SBF1: variants seen among roughly 807,000 people sequenced by gnomAD.
SBF1 encodes the protein SET binding factor 1, also known as myotubularin-related protein 5.
SBF1 carries 65 observed loss-of-function variants against 215.8 expected under a neutral mutation model. The observed-to-expected ratio is 0.30, with a 90% CI of 0.25 to 0.37. The LOEUF is 0.37. SBF1 is among the 10% of genes least tolerant of loss of function. SBF1 has a pLI of 1.00. For missense variants in SBF1, 2,634 were observed against 2,667.8 expected (o/e 0.99, Z 0.28); for synonymous variants, 1,410 against 1,122.8 (o/e 1.26, Z -5.11).
At chr22:50,471,876 G>A (rs1197166835) in intron 1 of SBF1, among the ~76,000 whole-genome samples, 1 of 152,214 alleles carries the variant, frequency 6.6e-6, no homozygotes, top group Non-Finnish European at 1.5e-5. Flanking sequence ...TCACAGTCAG[G>A]AGGAGAGGCG....
chr22:50,458,646 G>A (rs2067363870), intron 28 of SBF1, among the ~76,000 whole-genome samples: 1 of 152,242 alleles, frequency 6.6e-6, no homozygotes, highest in South Asian at 2.1e-4. Flanking sequence ...GAGTGAGTGT[G>A]GGGCCTATCT....
At position 50,447,198 on chromosome 22, in the gene SBF1, C is replaced by G. The variant is rs557791373; in HGVS notation, c.5626G>C (p.Val1876Leu). ...TCCACCCACTGCTGGGCCGAGGGCA[C>G]GTCCTGGGCACAGAAGTTGTAAACG... is the stretch of plus-strand genomic sequence containing the variant. ...RRVYNFCAQD[V>L]PSAQQWVDRI... The change falls in exon 41 of 41, where the codon GTG (valine) becomes CTG (leucine). Residue 1876 changes from valine (V) to leucine (L), a missense_variant. Val to Leu is a conservative substitution (Grantham distance 32). Transcript: ENST00000380817. 6.2e-7 allele frequency: 1 copy of G among 1,613,748 alleles called. No individual in the cohort carries two copies. Among genetic ancestry groups the G allele is most frequent in the Non-Finnish European group, 8.5e-7 (1 of 1,179,974 alleles).
Position 50,466,485 on chromosome 22 carries a change from A to G in SBF1, c.656-3T>C. On this transcript the variant is annotated splice_polypyrimidine_tract_variant and splice_region_variant and intron_variant, in intron 6 of 40. Coordinates refer to ENST00000380817, the MANE Select transcript of SBF1 (RefSeq NM_002972.4). ...CAAAGACAGCACGTTGGTGATGCCT[A>G]AAGGAAGAAGAGAAGCTTGGAGAGG... 1 of 1,542,600 alleles carries G rather than the reference A, an allele frequency of 6.5e-7. No individual in the cohort carries two copies.
At position 50,459,479 on chromosome 22, in the gene SBF1, G is replaced by A; in HGVS notation, c.3679C>T (p.Pro1227Ser). 3.1e-6 allele frequency: 5 copies of A among 1,610,560 alleles called. No individual in the cohort carries two copies. In the Middle Eastern group the frequency reaches 5.1e-4, roughly 164 times the overall value. The part of the protein sequence containing the change: ...VVGLFKAQNA[P>S]SPGQSQADSS... Reference sequence around the variant, plus strand: ...AGGACGCAGGAGGTACCTGGAGAAGGTGCGTTCTGGGCCTTGAAGAGGCCG... The same window carrying A: ...AGGACGCAGGAGGTACCTGGAGAAGATGCGTTCTGGGCCTTGAAGAGGCCG... The change falls in exon 27 of 41, where the codon CCT becomes TCT. Residue 1227 changes from proline (P) to serine (S), a missense_variant. Pro to Ser is a moderately conservative substitution (Grantham distance 74). Transcript: ENST00000380817.
intron 5 of SBF1, 70 bp from the exon 6 acceptor site, chr22:50,466,780 T>A: frequency 8.9e-7 from 1 of 1,126,826 alleles, no homozygotes; most frequent in South Asian, 1.6e-5. Context: ...CAGAGCTCTG[T>A]GTCCCCAGGC....
chr22:50,458,402 A>G (rs1000241515), intron 28 of SBF1, among the ~76,000 whole-genome samples: 15 of 150,084 alleles, frequency 1.0e-4, no homozygotes, highest in African/African-American at 3.7e-4. Flanking sequence ...ACTGAGGGGG[A>G]CACGGGGAGG....
At chr22:50,466,303 G>T in intron 7 of SBF1, 45 bp from the exon 8 acceptor site, 1 of 1,610,136 alleles carries the variant, frequency 6.2e-7, no homozygotes, top group South Asian at 1.1e-5. Flanking sequence ...GACGCGGCTG[G>T]GCAAAGGGGC....
chr22:50,468,129 C>T (rs965924769), intron 2 of SBF1, among the ~76,000 whole-genome samples: 7 of 152,184 alleles, frequency 4.6e-5, no homozygotes, highest in Non-Finnish European at 8.8e-5. Flanking sequence ...CCACCTGGGG[C>T]AAGGACCAGG....
In SBF1 at chr22:50,447,026, G is replaced by C. The variant is rs1164804440; in HGVS notation, c.*116C>G. The C allele has an allele frequency of 2.2e-6, 2 of 905,390 alleles. No homozygotes were observed. Among genetic ancestry groups the C allele is most frequent in the Admixed American group, 2.1e-5 (1 of 47,040 alleles). 56.1% of individuals were successfully genotyped at this position (905,390 alleles called of 1,614,324 possible). A position where few individuals can be genotyped will look rare whatever the true frequency, so the allele number is the denominator to read the frequency against. Reference sequence around the variant, plus strand: ...GGGGCTGTACACACAAGTGCTGGGGGCTCGGGGCCTCAATACTGTCGAGGG... The same window carrying C: ...GGGGCTGTACACACAAGTGCTGGGGCCTCGGGGCCTCAATACTGTCGAGGG... On this transcript the variant is annotated 3_prime_UTR_variant, in exon 41 of 41. Coordinates refer to ENST00000380817, the MANE Select transcript of SBF1 (RefSeq NM_002972.4).
chr22:50,451,132 C>G (rs1178768527), intron 36 of SBF1, among the ~76,000 whole-genome samples: 1 of 134,420 alleles, frequency 7.4e-6, no homozygotes, highest in Non-Finnish European at 1.5e-5. Context: ...GAGTTTGAGA[C>G]CTGCCTGGGT....
intron 1 of SBF1, among the ~76,000 whole-genome samples, chr22:50,472,974 G>T (rs899393425): frequency 3.9e-5 from 6 of 152,128 alleles, no homozygotes; most frequent in African/African-American, 9.7e-5. Flanking sequence ...CTTAGGGGAA[G>T]GGGGGGCACC....
chr22:50,472,779 G>A (rs1440006528), intron 1 of SBF1, among the ~76,000 whole-genome samples: 1 of 152,194 alleles, frequency 6.6e-6, no homozygotes, highest in Admixed American at 6.5e-5. Flanking sequence ...TCTGCCCTCA[G>A]CCCATGACCA....
In SBF1 at chr22:50,467,623, A is replaced by G. The variant is rs371457784; in HGVS notation, c.347T>C (p.Leu116Pro). ...EEGDEGGQTH[L>P]SPTAPAPSAQ... is the part of the protein sequence containing the mutation. ...AGATGGGGCAGGTGCTGTGGGAGAC[A>G]GGTGGGTCTGGCCTCCCTCATCCCC... The change falls in exon 4 of 41, where the codon CTG (leucine) becomes CCG (proline). Residue 116 changes from leucine to proline, a missense_variant. Leu to Pro is a moderately conservative substitution (Grantham distance 98, BLOSUM62 -3). Coordinates refer to ENST00000380817, the MANE Select transcript of SBF1 (RefSeq NM_002972.4). 1.9e-6 allele frequency: 3 copies of G among 1,590,980 alleles called. No individual in the cohort carries two copies. Among genetic ancestry groups the G allele is most frequent in the Non-Finnish European group, 2.6e-6 (3 of 1,165,674 alleles).
rs755442032 is a variant in SBF1, at chr22:50,462,117, A to C, written c.2399T>G (p.Met800Arg). The change falls in exon 20 of 41, where the codon ATG becomes AGG. Residue 800 changes from methionine (M) to arginine (R), a missense_variant and splice_region_variant. By Grantham distance (91) the Met-to-Arg change is moderately conservative (BLOSUM62 -1). Coordinates refer to ENST00000380817, the MANE Select transcript of SBF1 (RefSeq NM_002972.4). Reference sequence around the variant, plus strand: ...ATAGCTCTCGGCCACACTGCCAGCCATGCTGGGCCAGAGAAGAAACTGTGG... The same window carrying C: ...ATAGCTCTCGGCCACACTGCCAGCCCTGCTGGGCCAGAGAAGAAACTGTGG... Reference protein sequence around the residue: ...SASNSLVTNSMAGSVAESYDT... With the variant: ...SASNSLVTNSRAGSVAESYDT... 6.2e-7 allele frequency: 1 copy of C among 1,613,074 alleles called. No individual in the cohort carries two copies.
In SBF1 at chr22:50,462,570, C is replaced by T. The variant is rs770899422; in HGVS notation, c.2116G>A (p.Ala706Thr). Residue 706 changes from alanine to threonine, a missense_variant, in exon 18 of 41, where the codon GCC becomes ACC. By Grantham distance (58) the Ala-to-Thr change is moderately conservative. Coordinates refer to ENST00000380817, the MANE Select transcript of SBF1 (RefSeq NM_002972.4). ...GAGTCCCTGCGCACCTGGGCGGGGG[C>T]CAGGTCCTCCGTGGGCTCCAGGTAG... The part of the protein sequence containing the change: ...ALYLEPTEDL[A>T]PAQEVGEAPS... 3.7e-6 allele frequency: 6 copies of T among 1,611,562 alleles called. No homozygotes were observed. The highest frequency in any genetic ancestry group is 5.1e-6 in the Non-Finnish European group (6 of 1,179,458).
At position 50,468,433 on chromosome 22, in the gene SBF1, C is replaced by A; in HGVS notation, c.84G>T (p.Leu28=). The A allele has an allele frequency of 1.9e-6, 3 of 1,611,464 alleles. No homozygotes were observed. The highest frequency in any genetic ancestry group is 2.5e-6 in the Non-Finnish European group (3 of 1,178,668). The change falls in exon 2 of 41, where the codon CTG becomes CTT. Residue 28 remains leucine, a synonymous_variant. Transcript: ENST00000380817. Reference sequence around the variant, plus strand: ...CCCAGTCCTTCTCTGGGAAGCGCTGCAGAATCTGGCCCTGGCCTTCCCCAC... The same window carrying A: ...CCCAGTCCTTCTCTGGGAAGCGCTGAAGAATCTGGCCCTGGCCTTCCCCAC... ...RGSGEGQGQI[L]QRFPEKDWED... is the part of the protein sequence containing the mutation.
In SBF1 at chr22:50,457,087, G is replaced by A. The variant is rs1447771765; in HGVS notation, c.3851C>T (p.Thr1284Ile). The change falls in exon 29 of 41, where the codon ACC (threonine) becomes ATC (isoleucine). Residue 1284 changes from threonine to isoleucine, a missense_variant. Thr to Ile is a moderately conservative substitution (Grantham distance 89). Coordinates refer to ENST00000380817, the MANE Select transcript of SBF1 (RefSeq NM_002972.4). ...GGCCGCCATGGGGTTGGACAGCGTG[G>A]TGACCCTGGCTCTGGGGCTGGGAAC... ...SHVPSPRARV[T>I]TLSNPMAASA... The A allele has an allele frequency of 2.7e-6, 4 of 1,490,916 alleles. No individual in the cohort carries two copies. The highest frequency in any genetic ancestry group is 2.9e-5 in the Admixed American group (1 of 34,950). The allele number at this position is 1,490,916 out of a possible 1,614,324, so 92.4% of individuals were successfully genotyped here. A position where few individuals can be genotyped will look rare whatever the true frequency, so the allele number is the denominator to read the frequency against.
chr22:50,461,538 G>A lies in SBF1; in HGVS notation c.2824C>T (p.Pro942Ser), dbSNP rs200220290. 2 of 1,600,674 alleles carry A rather than the reference G, an allele frequency of 1.2e-6. No homozygotes were observed. Among genetic ancestry groups the A allele is most frequent in the Non-Finnish European group, 1.7e-6 (2 of 1,170,900 alleles). Residue 942 changes from proline to serine, a missense_variant, in exon 22 of 41, where the codon CCC (proline) becomes TCC (serine). Physicochemically the swap from Pro to Ser is moderately conservative, Grantham distance 74. Transcript: ENST00000380817. ...GCAGGCTCACCCAGGGGGTCCGTGG[G>A]CATCCCCGTGAAGATGACCCGGTAC... The part of the protein sequence containing the change: ...TTYRVIFTGM[P>S]TDPLVGEQVV...
rs193286276 is a variant in SBF1, at chr22:50,460,335, T to G, written c.3220A>C (p.Asn1074His). Reference protein sequence around the residue: ...GRQHVTRKKYNPPSWEHRGQP... With the variant: ...GRQHVTRKKYHPPSWEHRGQP... Reference sequence around the variant, plus strand: ...CCCCGGTGCTCCCAGCTGGGGGGGTTGTACTTCTTGCGAGTGACATGCTGC... The same window carrying G: ...CCCCGGTGCTCCCAGCTGGGGGGGTGGTACTTCTTGCGAGTGACATGCTGC... The change falls in exon 25 of 41, where the codon AAC (asparagine) becomes CAC (histidine). Residue 1074 changes from asparagine (N) to histidine (H), a missense_variant. Coordinates refer to ENST00000380817, the MANE Select transcript of SBF1 (RefSeq NM_002972.4). 6.2e-7 allele frequency: 1 copy of G among 1,613,524 alleles called. No homozygotes were observed. The highest frequency in any genetic ancestry group is 2.2e-5 in the East Asian group (1 of 44,862).
Sources: allele counts gnomAD v4.1 joint callset (sites outside exome capture counted in the v4.1 genomes callset), GRCh38; gene constraint gnomAD v4.1.1; transcripts MANE v1.5; gene names NCBI Gene and HGNC (gene_info 2026-07-23, HGNC 2026-07-21).